The following DIP2B variants were observed in gnomAD, a reference collection of about 807,000 sequenced individuals.
DIP2B encodes the protein disco-interacting protein 2 homolog B.
A neutral mutation model predicts 198.0 loss-of-function variants in DIP2B; 76 were observed. The ratio of observed to expected loss-of-function variants is 0.38; its 90% CI spans 0.32 to 0.46. DIP2B has a LOEUF of 0.46. DIP2B is among the 20% of genes least tolerant of loss of function. The pLI, the probability that DIP2B is intolerant of heterozygous loss-of-function variation, is 0.99. For synonymous variants in DIP2B, 701 were observed against 739.1 expected, an observed-to-expected ratio of 0.95 and a Z score of 0.84; for missense variants, 1,559 against 1,978.4, an observed-to-expected ratio of 0.79 and a Z score of 4.02.
At chr12:50,623,431 ACACACACTCTCTCTCTCTCT>A (rs1565848528) in intron 1 of DIP2B, among the ~76,000 whole-genome samples, 1 of 51,696 alleles carries the variant, frequency 1.9e-5, no homozygotes, top group Admixed American at 1.7e-4. Context: ...ACACACACAC[ACACACACTCTCTCTCTCTCT>A]CTCTCTCTCT....
chr12:50,617,190 C>T (rs1937715118), intron 1 of DIP2B, among the ~76,000 whole-genome samples: 1 of 149,780 alleles, frequency 6.7e-6, no homozygotes, highest in African/African-American at 2.5e-5. Context: ...GAGTCTCGCT[C>T]TGTCACCTAG....
At chr12:50,589,502 C>A (rs1958800782) in intron 1 of DIP2B, among the ~76,000 whole-genome samples, 2 of 152,034 alleles carry the variant, frequency 1.3e-5, no homozygotes, top group South Asian at 2.1e-4. Flanking sequence ...TTGTGGTCAT[C>A]CTTCAGGAGT....
At chr12:50,536,343 A>G (rs1240385228) in intron 1 of DIP2B, among the ~76,000 whole-genome samples, 3 of 152,010 alleles carry the variant, frequency 2.0e-5, no homozygotes, top group Admixed American at 6.6e-5. Context: ...CTGTAGTCCA[A>G]GCTACTCAGG....
At chr12:50,554,756 C>G (rs761407698) in intron 1 of DIP2B, among the ~76,000 whole-genome samples, 2 of 151,482 alleles carry the variant, frequency 1.3e-5, no homozygotes, top group Admixed American at 1.3e-4. Flanking sequence ...GACATCTCGC[C>G]GCTCCCCCCC....
intron 35 of DIP2B, among the ~76,000 whole-genome samples, 170 bp downstream of exon 35, chr12:50,737,280 T>G (rs1486838321): frequency 6.6e-6 from 1 of 152,172 alleles, no homozygotes; most frequent in Non-Finnish European, 1.5e-5. Flanking sequence ...AGATTGAAAC[T>G]GGGATCCAGG....
At chr12:50,706,475 T>C in intron 20 of DIP2B, 63 bp from the exon 21 acceptor site, 1 of 1,565,030 alleles carries the variant, frequency 6.4e-7, no homozygotes, top group Admixed American at 1.8e-5. Flanking sequence ...GGCAGGAAGT[T>C]AAAAGATGTC....
intron 1 of DIP2B, among the ~76,000 whole-genome samples, chr12:50,589,644 T>TA (rs1318348955): frequency 6.6e-6 from 1 of 152,110 alleles, no homozygotes; most frequent in Non-Finnish European, 1.5e-5. Context: ...AAGCTTGGTA[T>TA]ATCTGAAGAA....
intron 22 of DIP2B, among the ~76,000 whole-genome samples, chr12:50,710,203 T>C (rs940640115): frequency 3.3e-5 from 5 of 152,200 alleles, no homozygotes; most frequent in Admixed American, 6.5e-5. Context: ...CCGGTAGCTA[T>C]GCTAGCGAAC....
chr12:50,704,072 T>G, intron 19 of DIP2B, 68 bp from the exon 20 acceptor site: 1 of 1,424,052 alleles, frequency 7.0e-7, no homozygotes, highest in Non-Finnish European at 9.7e-7. Context: ...TTAATAAAAC[T>G]TTTTAAAAAT....
chr12:50,573,589 C>T (rs1958633804), intron 1 of DIP2B, among the ~76,000 whole-genome samples: 1 of 152,158 alleles, frequency 6.6e-6, no homozygotes, highest in South Asian at 2.1e-4. Flanking sequence ...GTAGAAAAGC[C>T]CATTGTAGCA....
At chr12:50,638,662 T>C (rs940214902) in intron 2 of DIP2B, among the ~76,000 whole-genome samples, 1 of 152,120 alleles carries the variant, frequency 6.6e-6, no homozygotes, top group Non-Finnish European at 1.5e-5. Flanking sequence ...TTCTGAGATC[T>C]AGTTGGAGTG....
At chr12:50,696,176 C>G (rs921272534) in intron 16 of DIP2B, among the ~76,000 whole-genome samples, 13 of 152,174 alleles carry the variant, frequency 8.5e-5, no homozygotes, top group African/African-American at 2.7e-4. Context: ...AACCACATGC[C>G]CATTATCAGT....
intron 14 of DIP2B, 112 bp from the exon 15 acceptor site, chr12:50,695,155 G>A (rs573304887): frequency 6.5e-6 from 5 of 769,790 alleles, no homozygotes; most frequent in African/African-American, 5.3e-5. Flanking sequence ...CAAAGAGTGT[G>A]TATTTGAGTA....
At chr12:50,635,821 G>T (rs1216194396) in intron 2 of DIP2B, among the ~76,000 whole-genome samples, 2 of 152,238 alleles carry the variant, frequency 1.3e-5, no homozygotes, top group South Asian at 2.1e-4. Flanking sequence ...ACACAAATAA[G>T]CAGGATTTTT....
chr12:50,558,792 C>T (rs554889565), intron 1 of DIP2B, among the ~76,000 whole-genome samples: 1 of 152,088 alleles, frequency 6.6e-6, no homozygotes, highest in East Asian at 1.9e-4. Context: ...GGAGCAAGGC[C>T]GTTTACACTT....
chr12:50,630,059 C>T (rs544957156), intron 2 of DIP2B, among the ~76,000 whole-genome samples: 1 of 151,802 alleles, frequency 6.6e-6, no homozygotes, highest in Admixed American at 6.6e-5. Context: ...AAGCGATTCT[C>T]CTGCCTCAGC....
At position 50,687,416 on chromosome 12, in the gene DIP2B, T is replaced by TA. The variant is rs1444682230; in HGVS notation, c.1551+735dup. Among the ~76,000 whole-genome samples, 4 of 152,324 alleles carry TA rather than the reference T, an allele frequency of 2.6e-5. No homozygotes were observed. The East Asian group carries it at 7.7e-4, about 29-fold the overall frequency. ...ACCACTCTGCATCCTGCCTGAGACA[T>TA]ATGCTCACCAATTGTTAAGTTAATG... On this transcript the variant is annotated intron_variant, in intron 12 of 37. Transcript: ENST00000301180.
intron 4 of DIP2B, among the ~76,000 whole-genome samples, chr12:50,666,758 A>T (rs1592118005): frequency 6.6e-6 from 1 of 152,066 alleles, no homozygotes; most frequent in East Asian, 1.9e-4. Flanking sequence ...GTGGTGGCTC[A>T]CGCCTGTAAT....
intron 1 of DIP2B, among the ~76,000 whole-genome samples, chr12:50,552,921 T>C (rs1250865536): frequency 6.6e-6 from 1 of 151,938 alleles, no homozygotes; most frequent in Non-Finnish European, 1.5e-5. Flanking sequence ...CTGCAACGTC[T>C]GCCTCCCAGG....
Sources: allele counts gnomAD v4.1 joint callset (sites outside exome capture counted in the v4.1 genomes callset), GRCh38; gene constraint gnomAD v4.1.1; transcripts MANE v1.5; gene names NCBI Gene and HGNC (gene_info 2026-07-23, HGNC 2026-07-21).